TTLL5: variants seen among roughly 807,000 people sequenced by gnomAD.
TTLL5 encodes the protein tubulin tyrosine ligase like 5.
TTLL5 carries 132 observed loss-of-function variants against 168.4 expected under a neutral mutation model. The observed-to-expected ratio is 0.78, with a 90% CI of 0.68 to 0.91. The LOEUF is 0.91. Among genes scored for constraint, TTLL5 ranks in the 40% least tolerant of loss-of-function variants. TTLL5 has a pLI of 0.00. For missense variants in TTLL5, 1,545 were observed against 1,581.5 expected (o/e 0.98, Z 0.39); for synonymous variants, 546 against 558.6 (o/e 0.98, Z 0.32).
chr14:75,886,442 T>A (rs1236979202), intron 30 of TTLL5, among the ~76,000 whole-genome samples: 1 of 152,210 alleles, frequency 6.6e-6, no homozygotes, highest in Admixed American at 6.5e-5. Context: ...TTGTTTTCTG[T>A]CTATTCCATT....
intron 29 of TTLL5, among the ~76,000 whole-genome samples, chr14:75,864,415 T>C (rs916503791): frequency 1.3e-5 from 2 of 152,194 alleles, no homozygotes; most frequent in African/African-American, 4.8e-5. Flanking sequence ...TTCTACTGTG[T>C]ACTAGGCACT....
intron 27 of TTLL5, among the ~76,000 whole-genome samples, chr14:75,794,780 G>C (rs1403887049): frequency 6.6e-6 from 1 of 152,220 alleles, no homozygotes; most frequent in Non-Finnish European, 1.5e-5. Flanking sequence ...GGATGGAGTA[G>C]TGGAGAAAGA....
At chr14:75,743,400 C>T (rs1889385530) in intron 15 of TTLL5, among the ~76,000 whole-genome samples, 1 of 151,592 alleles carries the variant, frequency 6.6e-6, no homozygotes, top group South Asian at 2.1e-4. Context: ...ATTTATTTCT[C>T]ACAGTCTGAA....
chr14:75,703,601 T>C (rs2140164400), intron 7 of TTLL5, among the ~76,000 whole-genome samples: 2 of 152,332 alleles, frequency 1.3e-5, no homozygotes, highest in Admixed American at 1.3e-4. Context: ...GATTAAGGTA[T>C]GAATTTGATT....
At chr14:75,679,096 A>G (rs767093916) in intron 3 of TTLL5, among the ~76,000 whole-genome samples, 3 of 152,216 alleles carry the variant, frequency 2.0e-5, no homozygotes, top group Non-Finnish European at 4.4e-5. Flanking sequence ...TCTACCTTCT[A>G]ATTTCCAGAA....
At chr14:75,912,466 T>C (rs1162835748) in intron 31 of TTLL5, among the ~76,000 whole-genome samples, 2 of 152,170 alleles carry the variant, frequency 1.3e-5, no homozygotes, top group Non-Finnish European at 1.5e-5. Flanking sequence ...TCTTAAAATA[T>C]AAAACCACAT....
intron 26 of TTLL5, among the ~76,000 whole-genome samples, chr14:75,785,012 A>T (rs1046505615): frequency 3.3e-5 from 5 of 152,028 alleles, no homozygotes; most frequent in African/African-American, 1.2e-4. Flanking sequence ...AGGATTTATA[A>T]ATATTTTTTC....
intron 3 of TTLL5, among the ~76,000 whole-genome samples, chr14:75,673,737 C>A (rs1052327266): frequency 6.6e-6 from 1 of 152,156 alleles, no homozygotes; most frequent in Admixed American, 6.5e-5. Context: ...TTTGTCTTGT[C>A]CCTTAATAAG....
intron 27 of TTLL5, 57 bp downstream of exon 27, chr14:75,793,157 C>T: frequency 1.4e-6 from 2 of 1,438,098 alleles, no homozygotes; most frequent in East Asian, 2.4e-5. Flanking sequence ...GAATTAATGA[C>T]AGGGTACTTT....
chr14:75,818,023 A>T (rs1324611950), intron 27 of TTLL5, among the ~76,000 whole-genome samples: 1 of 150,938 alleles, frequency 6.6e-6, no homozygotes, highest in Non-Finnish European at 1.5e-5. Context: ...TATTTTTAGT[A>T]GAGACGGGGT....
intron 6 of TTLL5, among the ~76,000 whole-genome samples, chr14:75,692,344 T>C (rs1885523689): frequency 6.6e-6 from 1 of 152,250 alleles, no homozygotes; most frequent in Non-Finnish European, 1.5e-5. Context: ...GTTTTTACTA[T>C]GTTTTACTAT....
chr14:75,863,926 A>AAAAAAAAAAAAAAAG (rs1325156608), intron 29 of TTLL5, 64 bp downstream of exon 29: 48 of 1,257,846 alleles, frequency 3.8e-5, no homozygotes, highest in Middle Eastern at 3.0e-4. Flanking sequence ...AAAAAAAAAA[A>AAAAAAAAAAAAAAAG]AAAAAAAAGG....
intron 31 of TTLL5, among the ~76,000 whole-genome samples, chr14:75,939,770 C>A (rs900242840): frequency 1.1e-4 from 16 of 152,092 alleles, no homozygotes; most frequent in Admixed American, 9.8e-4. Flanking sequence ...TATCCAGCAC[C>A]CTCTTTGACT....
At chr14:75,866,534 CATATT>C (rs1423575363) in intron 29 of TTLL5, among the ~76,000 whole-genome samples, 2 of 152,292 alleles carry the variant, frequency 1.3e-5, no homozygotes, top group South Asian at 4.1e-4. Context: ...TATCTTATAT[CATATT>C]ATGTTTATGA....
In TTLL5 at chr14:75,707,607, A is replaced by C; in HGVS notation, c.656-16A>C. On this transcript the variant is annotated splice_polypyrimidine_tract_variant and intron_variant, in intron 8 of 31. Transcript: ENST00000298832. ...AACTTAGTTTTTTTTTGTGAATACA[A>C]ACTTTTTTTTTTTAGATTTCAAGTT... 1 of 1,602,410 alleles carries C rather than the reference A, an allele frequency of 6.2e-7. No homozygotes were observed. Among genetic ancestry groups the C allele is most frequent in the Non-Finnish European group, 8.5e-7 (1 of 1,175,420 alleles).
chr14:75,772,044 A>G (rs1001872471), intron 21 of TTLL5, among the ~76,000 whole-genome samples, 190 bp downstream of exon 21: 3 of 152,070 alleles, frequency 2.0e-5, no homozygotes, highest in South Asian at 2.1e-4. Context: ...TTATACTTCA[A>G]TGTGAAGCAA....
intron 7 of TTLL5, among the ~76,000 whole-genome samples, chr14:75,699,939 A>G (rs569581135): frequency 4.6e-5 from 7 of 152,280 alleles, no homozygotes; most frequent in African/African-American, 1.7e-4. Flanking sequence ...TTGACATTAC[A>G]TTGTATTTGT....
rs1555353208 is a variant in TTLL5 at position 75,874,933 on chromosome 14, C to CTTTTTTTTTTTT, written c.3523-7745_3523-7734dup. Among the ~76,000 whole-genome samples, 47 of 97,490 alleles carry CTTTTTTTTTTTT rather than the reference C, an allele frequency of 4.8e-4. 3 individuals are homozygous for CTTTTTTTTTTTT. In the Middle Eastern group the frequency reaches 0.036, roughly 74 times the overall value. The allele number at this position is 97,490 out of a possible 152,430, so 64.0% of individuals were successfully genotyped here. Reference sequence around the variant, plus strand: ...AGAGAAAAAAAAAGACACTGGGGGCCTTTTTTTTTTTTTTTTTTGAGACGG... The same window carrying CTTTTTTTTTTTT: ...AGAGAAAAAAAAAGACACTGGGGGCCTTTTTTTTTTTTTTTTTTTTTTTTTTTTTTGAGACGG... On this transcript the variant is annotated intron_variant, in intron 29 of 31. Coordinates refer to ENST00000298832, the MANE Select transcript of TTLL5 (RefSeq NM_015072.5).
intron 15 of TTLL5, 34 bp from the exon 16 acceptor site, chr14:75,745,061 A>G (rs151227507): frequency 1.3e-6 from 2 of 1,581,570 alleles, no homozygotes; most frequent in Non-Finnish European, 1.7e-6. Flanking sequence ...AACTTAAAAA[A>G]TTTTTTTTAC....
Sources: gnomAD v4.1 joint callset for allele counts (sites outside exome capture counted in the v4.1 genomes callset) on GRCh38, gnomAD v4.1.1 for gene constraint, MANE v1.5 for transcripts, NCBI Gene and HGNC (gene_info 2026-07-23, HGNC 2026-07-21) for gene names.